The following SUPT3H variants were observed in gnomAD, a reference collection of about 807,000 sequenced individuals.
The protein encoded by SUPT3H is SPT3 homolog, SAGA and STAGA complex component.
Under a neutral mutation model 44.3 loss-of-function variants are expected in SUPT3H, and 44 were observed. That is an observed-to-expected ratio of 0.99 (90% CI 0.78 to 1.28). The LOEUF is 1.28. Among genes scored for constraint, SUPT3H ranks in the 50% most tolerant of loss-of-function variants. SUPT3H has a pLI of 0.00. For missense variants in SUPT3H, 380 were observed against 387.1 expected (o/e 0.98, Z 0.15); for synonymous variants, 124 against 125.6 (o/e 0.99, Z 0.09).
chr6:45,181,421 GT>G (rs2153613367), intron 2 of SUPT3H, among the ~76,000 whole-genome samples: 1 of 152,084 alleles, frequency 6.6e-6, no homozygotes, highest in South Asian at 2.1e-4. Flanking sequence ...GCACACATAT[GT>G]TTATTGCGGC....
intron 1 of SUPT3H, among the ~76,000 whole-genome samples, chr6:45,368,240 T>C (rs1344673546): frequency 6.6e-6 from 1 of 152,170 alleles, no homozygotes; most frequent in Non-Finnish European, 1.5e-5. Flanking sequence ...TATTTCAACA[T>C]GCCAGAGTTT....
At chr6:45,191,598 T>C (rs566303061) in intron 2 of SUPT3H, among the ~76,000 whole-genome samples, 1 of 152,054 alleles carries the variant, frequency 6.6e-6, no homozygotes, top group Non-Finnish European at 1.5e-5. Context: ...GCTCAACAAA[T>C]ATAATTGAAA....
Position 44,831,450 on chromosome 6 carries a change from A to G in SUPT3H, c.913-1593T>C, listed in dbSNP as rs573501765. Among the ~76,000 whole-genome samples, 5 of 152,308 alleles carry G rather than the reference A, an allele frequency of 3.3e-5. No homozygotes were observed. The East Asian group carries it at 9.6e-4, about 29-fold the overall frequency. On this transcript the variant is annotated intron_variant, in intron 10 of 10. Transcript: ENST00000371459. ...CCACAAATAACTTGCAGGAATGCAT[A>G]GGGTGTCTTCCCACAACCACAGGCA... is the stretch of plus-strand genomic sequence containing the variant.
At chr6:44,946,552 G>C (rs1437294028) in intron 9 of SUPT3H, among the ~76,000 whole-genome samples, 3 of 152,186 alleles carry the variant, frequency 2.0e-5, no homozygotes, top group African/African-American at 7.2e-5. Context: ...CCAGACTTCA[G>C]TGGAGGAGGT....
At chr6:45,344,787 C>A (rs1023513009) in intron 2 of SUPT3H, among the ~76,000 whole-genome samples, 2 of 152,074 alleles carry the variant, frequency 1.3e-5, no homozygotes, top group Middle Eastern at 3.4e-3. Flanking sequence ...CTTGGTGGAC[C>A]TAAAAAAGAA....
rs71687494 is a variant in SUPT3H, at chr6:45,120,417, T to TAAAAAAAAAAAAAAAAAAA, written c.102-14430_102-14412dup. 6.2e-3 allele frequency among the ~76,000 whole-genome samples: 312 copies of TAAAAAAAAAAAAAAAAAAA among 50,484 alleles called. 32 individuals are homozygous for TAAAAAAAAAAAAAAAAAAA. The highest frequency in any genetic ancestry group is 9.5e-3 in the Non-Finnish European group (255 of 26,864). The allele number at this position is 50,484 out of a possible 152,430, so 33.1% of individuals were successfully genotyped here. ...CTGGGTAACAGTGTGAGACCTTGTC[T>TAAAAAAAAAAAAAAAAAAA]AAAAAAAAAAAAAAAAAAAAAAAAG... On this transcript the variant is annotated intron_variant, in intron 2 of 10. Coordinates refer to ENST00000371459, the MANE Select transcript of SUPT3H (RefSeq NM_003599.4).
At chr6:44,883,584 A>G (rs758373137) in intron 10 of SUPT3H, among the ~76,000 whole-genome samples, 1 of 152,214 alleles carries the variant, frequency 6.6e-6, no homozygotes, top group Non-Finnish European at 1.5e-5. Context: ...GTCCTAAGCA[A>G]AAAGAACAAA....
chr6:45,177,569 CA>C (rs776428502), intron 2 of SUPT3H, among the ~76,000 whole-genome samples: 2,685 of 151,984 alleles, frequency 0.018, 38 homozygotes, highest in South Asian at 0.042. Context: ...ATACACAGAA[CA>C]CCACAAAGAT....
At chr6:44,825,151 G>A (rs913124922), downstream of SUPT3H, among the ~76,000 whole-genome samples, 3 of 152,024 alleles carry the variant, frequency 2.0e-5, no homozygotes, top group African/African-American at 7.2e-5. Flanking sequence ...GATCTTTGAG[G>A]AATTTTTTCC....
intron 2 of SUPT3H, among the ~76,000 whole-genome samples, chr6:45,118,471 T>C (rs1801147777): frequency 6.6e-6 from 1 of 152,142 alleles, no homozygotes; most frequent in South Asian, 2.1e-4. Context: ...CTCCTCTGTT[T>C]ATTATATAAA....
At chr6:44,954,378 G>A in intron 8 of SUPT3H, 117 bp downstream of exon 8, 2 of 791,726 alleles carry the variant, frequency 2.5e-6, no homozygotes, top group Non-Finnish European at 4.4e-6. Context: ...AATGCCACAG[G>A]AGAGAATTCA....
At chr6:45,324,065 G>C (rs1306152719) in intron 2 of SUPT3H, among the ~76,000 whole-genome samples, 1 of 151,930 alleles carries the variant, frequency 6.6e-6, no homozygotes, top group Non-Finnish European at 1.5e-5. Context: ...CACATCCTCA[G>C]CTGTCATATG....
Position 45,185,547 on chromosome 6 carries a change from T to C in SUPT3H, c.102-79541A>G, listed in dbSNP as rs77038138. 5.4e-3 allele frequency among the ~76,000 whole-genome samples: 818 copies of C among 152,304 alleles called. 8 individuals are homozygous for C. Among genetic ancestry groups the C allele is most frequent in the African/African-American group, 0.019 (772 of 41,560 alleles). On this transcript the variant is annotated intron_variant, in intron 2 of 10. Coordinates refer to ENST00000371459, the MANE Select transcript of SUPT3H (RefSeq NM_003599.4). ...AAACCGCAACAGCCTGCCATAACTTTAAGCTTACAAGTTTTACCTAGAAAC... is the reference window on the plus strand; with the variant it reads ...AAACCGCAACAGCCTGCCATAACTTCAAGCTTACAAGTTTTACCTAGAAAC...
chr6:45,330,964 A>C (rs1346864319), intron 2 of SUPT3H, among the ~76,000 whole-genome samples: 1 of 151,974 alleles, frequency 6.6e-6, no homozygotes, highest in Admixed American at 6.6e-5. Flanking sequence ...ATTTTTATAT[A>C]ATGATTATCA....
rs1194182954 is a variant in SUPT3H, at chr6:45,041,240, A to G, written c.187-20608T>C. 2.6e-5 allele frequency among the ~76,000 whole-genome samples: 4 copies of G among 152,214 alleles called. No homozygotes were observed. The East Asian group carries it at 7.7e-4, about 29-fold the overall frequency. On this transcript the variant is annotated intron_variant, in intron 3 of 10. Coordinates refer to ENST00000371459, the MANE Select transcript of SUPT3H (RefSeq NM_003599.4). Reference sequence around the variant, plus strand: ...AAAAAACTCAGTTCACTGAAACTGCACTTAAAGGCAGGGGAGACACCTACA... The same window carrying G: ...AAAAAACTCAGTTCACTGAAACTGCGCTTAAAGGCAGGGGAGACACCTACA...
In SUPT3H at chr6:45,105,363, G is replaced by A. The variant is rs530753092; in HGVS notation, c.186+559C>T. On this transcript the variant is annotated intron_variant, in intron 3 of 10. Coordinates refer to ENST00000371459, the MANE Select transcript of SUPT3H (RefSeq NM_003599.4). ...GGTACAGGCATACCTCAGTGATACC[G>A]TAAGTTCAGTTACAGACCACTGCAA... 4.2e-4 allele frequency among the ~76,000 whole-genome samples: 64 copies of A among 152,220 alleles called. 1 individual carries two copies. Among genetic ancestry groups the A allele is most frequent in the African/African-American group, 1.3e-3 (55 of 41,538 alleles).
intron 2 of SUPT3H, among the ~76,000 whole-genome samples, chr6:45,219,739 G>C (rs888930788): frequency 6.6e-6 from 1 of 152,030 alleles, no homozygotes; most frequent in Non-Finnish European, 1.5e-5. Flanking sequence ...GAGAATTCAA[G>C]TAAACTTTTA....
In SUPT3H at chr6:45,076,943, T is replaced by A. The variant is rs9349310; in HGVS notation, c.186+28979A>T. Among the ~76,000 whole-genome samples the A allele has an allele frequency of 7.0e-4, 107 of 152,256 alleles. 1 individual carries two copies. The East Asian group carries it at 0.016, about 23-fold the overall frequency. On this transcript the variant is annotated intron_variant, in intron 3 of 10. Transcript: ENST00000371459. ...AATGGCTCTAAATTTCTACCGAATA[T>A]GGTTTGGTAGTTTTTTAATCTCCCT...
chr6:44,912,205 G>A lies in SUPT3H; in HGVS notation c.912+20448C>T, dbSNP rs572067594. ...TCATCATCTACTTTTTCATCATCCC[G>A]AACAGAAGTTCTGTGCCCATTAAGC... On this transcript the variant is annotated intron_variant, in intron 10 of 10. Coordinates refer to ENST00000371459, the MANE Select transcript of SUPT3H (RefSeq NM_003599.4). 3.5e-4 allele frequency among the ~76,000 whole-genome samples: 53 copies of A among 152,112 alleles called. 1 individual carries two copies. In the South Asian group the frequency reaches 0.01, roughly 30 times the overall value.
Sources: gnomAD v4.1 joint callset for allele counts (sites outside exome capture counted in the v4.1 genomes callset) on GRCh38, gnomAD v4.1.1 for gene constraint, MANE v1.5 for transcripts, NCBI Gene and HGNC (gene_info 2026-07-23, HGNC 2026-07-21) for gene names.